COG6: variants seen among roughly 807,000 people sequenced by gnomAD.
COG6 encodes conserved oligomeric Golgi complex subunit 6.
COG6 carries 74 observed loss-of-function variants against 88.8 expected under a neutral mutation model. That is an observed-to-expected ratio of 0.83 (90% CI 0.69 to 1.01). The LOEUF (loss-of-function observed/expected upper bound fraction) is 1.01, where lower values mean the gene tolerates loss of function less well. Among genes scored for constraint, COG6 ranks in the 50% least tolerant of loss-of-function variants. The probability of loss-of-function intolerance (pLI) is 0.00; values close to 1 mark genes in which losing one functional copy is unlikely to be tolerated. For synonymous variants in COG6, 286 were observed against 278.7 expected (o/e 1.03, Z -0.26); for missense variants, 800 against 797.9 (o/e 1.00, Z -0.03).
chr13:39,679,135 A>T (rs772941506), intron 5 of COG6, among the ~76,000 whole-genome samples: 6 of 152,198 alleles, frequency 3.9e-5, no homozygotes, highest in Non-Finnish European at 7.3e-5. Flanking sequence ...CAACAGATAC[A>T]TAAAACATCA....
intron 15 of COG6, 60 bp downstream of exon 15, chr13:39,719,887 C>CT (rs1438755609): frequency 1.5e-6 from 2 of 1,348,740 alleles, no homozygotes; most frequent in African/African-American, 1.4e-5. Context: ...TATGTGATAG[C>CT]TTTAAGTTAT....
intron 18 of COG6, among the ~76,000 whole-genome samples, chr13:39,769,426 G>T (rs982175583): frequency 1.3e-5 from 2 of 152,144 alleles, no homozygotes; most frequent in South Asian, 2.1e-4. Context: ...GCTGTTGGCC[G>T]TGGGACCTGG....
chr13:39,663,617 G>C (rs568051206), intron 3 of COG6, among the ~76,000 whole-genome samples: 22 of 152,212 alleles, frequency 1.4e-4, no homozygotes, highest in African/African-American at 5.3e-4. Flanking sequence ...TCAGTGAAAT[G>C]GCTGGGCGTG....
intron 18 of COG6, among the ~76,000 whole-genome samples, chr13:39,773,864 A>G (rs890942596): frequency 2.0e-5 from 2 of 101,788 alleles, no homozygotes. Context: ...ACCTATTGAC[A>G]TTTTTGCTTT....
At chr13:39,738,684 T>C (rs1372860251) in intron 18 of COG6, among the ~76,000 whole-genome samples, 1 of 152,150 alleles carries the variant, frequency 6.6e-6, no homozygotes, top group Non-Finnish European at 1.5e-5. Context: ...AAGGTGGAGA[T>C]AGTTTAAAAG....
chr13:39,689,677 A>G (rs1274475589), intron 10 of COG6, 83 bp from the exon 11 acceptor site: 3 of 822,052 alleles, frequency 3.6e-6, no homozygotes, highest in East Asian at 2.7e-5. Context: ...TATGTATTAT[A>G]TATTATTTGT....
chr13:39,731,674 T>C (rs945199875), intron 18 of COG6, among the ~76,000 whole-genome samples: 2 of 152,228 alleles, frequency 1.3e-5, no homozygotes, highest in Non-Finnish European at 2.9e-5. Context: ...TCCTCCATTA[T>C]AGAAATAATA....
intron 18 of COG6, among the ~76,000 whole-genome samples, chr13:39,735,085 C>A (rs1026154359): frequency 7.2e-5 from 11 of 151,764 alleles, no homozygotes; most frequent in Non-Finnish European, 1.5e-4. Context: ...TTGTTGGAGA[C>A]CATAGTCCAT....
At position 39,770,235 on chromosome 13, in the gene COG6, G is replaced by A. The variant is rs1881281738; in HGVS notation, c.1827-18100G>A. ...TTTTCTTTTTGGGCTGCAGTGGAAT[G>A]CCACTGACCTCAGCACTCCAGAAGA... On this transcript the variant is annotated intron_variant, in intron 18 of 18. Coordinates refer to the COG6 transcript ENST00000416691. Among the ~76,000 whole-genome samples the A allele has an allele frequency of 2.0e-5, 3 of 152,122 alleles. 1 individual carries two copies. The highest frequency in any genetic ancestry group is 4.4e-5 in the Non-Finnish European group (3 of 68,026).
At chr13:39,764,138 A>G (rs886836739) in intron 18 of COG6, among the ~76,000 whole-genome samples, 1 of 151,732 alleles carries the variant, frequency 6.6e-6, no homozygotes, top group Non-Finnish European at 1.5e-5. Context: ...GGTAAATTTT[A>G]TTTTGCAAGG....
chr13:39,770,109 T>C (rs1264154814), intron 18 of COG6, among the ~76,000 whole-genome samples: 1 of 152,204 alleles, frequency 6.6e-6, no homozygotes, highest in Non-Finnish European at 1.5e-5. Context: ...TATCGGGAAG[T>C]GAAAATATTC....
chr13:39,731,162 G>A (rs777866649), intron 18 of COG6, among the ~76,000 whole-genome samples: 11 of 151,986 alleles, frequency 7.2e-5, no homozygotes, highest in Non-Finnish European at 2.9e-5. Context: ...TCTGTTTTTG[G>A]TTTTTTCCTG....
At chr13:39,725,752 TTAAA>T (rs1168283232) in intron 17 of COG6, among the ~76,000 whole-genome samples, 9 of 151,766 alleles carry the variant, frequency 5.9e-5, no homozygotes, top group Non-Finnish European at 1.0e-4. Context: ...ATTAAAAAGT[TTAAA>T]TAAAAATAGA....
At position 39,659,496 on chromosome 13, in the gene COG6, G is replaced by C. The variant is rs1416763877; in HGVS notation, c.286G>C (p.Glu96Gln). Residue 96 changes from glutamate (E) to glutamine (Q), a missense_variant, in exon 2 of 19, where the codon GAA becomes CAA. Glu to Gln is a conservative substitution (Grantham distance 29). Transcript: ENST00000455146. ...TGAAGAATTTGTAAGCATTTTCAAGGAAGTGAAGGAGGTATGTAAACTCTT... is the reference window on the plus strand; with the variant it reads ...TGAAGAATTTGTAAGCATTTTCAAGCAAGTGAAGGAGGTATGTAAACTCTT... The part of the protein sequence containing the change: ...INEEFVSIFK[E>Q]VKEELESISE... 9.9e-6 allele frequency: 16 copies of C among 1,612,878 alleles called. No homozygotes were observed. The highest frequency in any genetic ancestry group is 1.7e-4 in the Middle Eastern group (1 of 5,912).
intron 18 of COG6, among the ~76,000 whole-genome samples, chr13:39,739,172 C>T (rs916285375): frequency 2.0e-5 from 3 of 151,946 alleles, no homozygotes; most frequent in Non-Finnish European, 4.4e-5. Context: ...AGAACTCAAA[C>T]TAGATGATTC....
chr13:39,768,376 G>A (rs957815813), intron 18 of COG6, among the ~76,000 whole-genome samples: 13 of 152,152 alleles, frequency 8.5e-5, no homozygotes, highest in East Asian at 1.9e-4. Flanking sequence ...GCCACAGGGC[G>A]GGACAATTGC....
At chr13:39,691,435 A>T (rs561812761) in intron 11 of COG6, among the ~76,000 whole-genome samples, 2 of 152,020 alleles carry the variant, frequency 1.3e-5, no homozygotes, top group African/African-American at 4.8e-5. Flanking sequence ...TGCCAAAGGT[A>T]AAGAAGACAC....
intron 15 of COG6, 93 bp downstream of exon 15, chr13:39,719,920 C>G: frequency 2.1e-6 from 2 of 930,542 alleles, no homozygotes; most frequent in Non-Finnish European, 3.4e-6. Flanking sequence ...TTTTAATGAC[C>G]TAATTCCTAT....
chr13:39,683,659 A>G (rs1876450524), intron 8 of COG6, among the ~76,000 whole-genome samples: 1 of 152,278 alleles, frequency 6.6e-6, no homozygotes, highest in East Asian at 1.9e-4. Context: ...TGAGTCTTTT[A>G]GCACTTAAAA....
Sources: gnomAD v4.1 joint callset for allele counts (sites outside exome capture counted in the v4.1 genomes callset) on GRCh38, gnomAD v4.1.1 for gene constraint, MANE v1.5 for transcripts, NCBI Gene and HGNC (gene_info 2026-07-23, HGNC 2026-07-21) for gene names.